Variants in RMST observed in about 807,000 individuals in gnomAD.
RMST encodes long intergenic non-protein coding RNA 54.
chr12:97,531,548 C>T (rs186098204), intron 11 of RMST, among the ~76,000 whole-genome samples: 1 of 151,908 alleles, frequency 6.6e-6, no homozygotes, highest in Non-Finnish European at 1.5e-5. Flanking sequence ...AATTAATGAG[C>T]GTGAATATTG....
chr12:97,521,593 T>G (rs1477978836), intron 10 of RMST, among the ~76,000 whole-genome samples: 1 of 152,192 alleles, frequency 6.6e-6, no homozygotes, highest in Non-Finnish European at 1.5e-5. Context: ...CAGATAACTT[T>G]CTTTCATTCA....
chr12:97,554,906 A>G (rs1310383912), intron 11 of RMST, among the ~76,000 whole-genome samples: 3 of 152,188 alleles, frequency 2.0e-5, no homozygotes, highest in Non-Finnish European at 4.4e-5. Flanking sequence ...GGACATCTTC[A>G]TGGGGCTGGC....
intron 11 of RMST, chr12:97,533,144 G>A (rs940113452): frequency 6.6e-6 from 1 of 151,750 alleles, no homozygotes; most frequent in African/African-American, 2.4e-5. Context: ...AGAGTCCCAA[G>A]CACTACTGCC....
At chr12:97,544,076 A>G (rs12371242) in intron 11 of RMST, among the ~76,000 whole-genome samples, 9,885 of 152,112 alleles carry the variant, frequency 0.065, 450 homozygotes, top group East Asian at 0.19. Flanking sequence ...CCTTCTATCA[A>G]AAAGAAAGAA....
chr12:97,514,841 T>C (rs1879773954), intron 10 of RMST, among the ~76,000 whole-genome samples: 1 of 152,174 alleles, frequency 6.6e-6, no homozygotes, highest in African/African-American at 2.4e-5. Context: ...CATCTGTTGC[T>C]GATGAAATAG....
At chr12:97,479,585 A>G (rs1874980303) in intron 5 of RMST, among the ~76,000 whole-genome samples, 1 of 151,970 alleles carries the variant, frequency 6.6e-6, no homozygotes, top group Non-Finnish European at 1.5e-5. Context: ...ATTTGACCCC[A>G]TTGATAGCTC....
chr12:97,463,999 C>T (rs1333374343), intron 4 of RMST, among the ~76,000 whole-genome samples: 2 of 151,480 alleles, frequency 1.3e-5, no homozygotes, highest in African/African-American at 4.9e-5. Context: ...CTTATACTTT[C>T]GAGGAAATAA....
chr12:97,533,733 A>G (rs1280893130), intron 11 of RMST: 2 of 151,864 alleles, frequency 1.3e-5, no homozygotes, highest in Non-Finnish European at 2.9e-5. Flanking sequence ...TCTGTGAACT[A>G]TTAAAATGAT....
chr12:97,505,920 T>C (rs1001753247), intron 10 of RMST, among the ~76,000 whole-genome samples: 2 of 152,232 alleles, frequency 1.3e-5, no homozygotes, highest in African/African-American at 4.8e-5. Context: ...TATTATCTTA[T>C]ACATTGCCAA....
At chr12:97,486,058 A>G (rs1474861162) in intron 5 of RMST, among the ~76,000 whole-genome samples, 1 of 152,234 alleles carries the variant, frequency 6.6e-6, no homozygotes, top group African/African-American at 2.4e-5. Flanking sequence ...TTTATTCTAC[A>G]ATACTAGCAA....
intron 10 of RMST, among the ~76,000 whole-genome samples, chr12:97,512,623 T>C (rs1361546067): frequency 2.6e-5 from 4 of 152,164 alleles, no homozygotes; most frequent in Non-Finnish European, 4.4e-5. Context: ...TTACAAACCT[T>C]GAGCTAGATA....
intron 10 of RMST, among the ~76,000 whole-genome samples, chr12:97,500,891 T>A (rs1878012517): frequency 6.6e-6 from 1 of 152,218 alleles, no homozygotes; most frequent in African/African-American, 2.4e-5. Context: ...TAAAACAGAA[T>A]ACAATTGAAT....
chr12:97,482,238 A>G (rs773807196), intron 5 of RMST, among the ~76,000 whole-genome samples: 12 of 152,186 alleles, frequency 7.9e-5, no homozygotes, highest in Admixed American at 3.3e-4. Context: ...TAGTTTAGTG[A>G]GCATTTTAGT....
intron 10 of RMST, among the ~76,000 whole-genome samples, chr12:97,525,930 C>T (rs1473824203): frequency 6.6e-6 from 1 of 151,970 alleles, no homozygotes; most frequent in African/African-American, 2.4e-5. Flanking sequence ...CATAGCAGTG[C>T]GAACCCTGTT....
At position 97,483,756 on chromosome 12, in the gene RMST, G is replaced by A. The variant is rs185500624; in HGVS notation, n.645-8705G>A. On this transcript the variant is annotated intron_variant and non_coding_transcript_variant, in intron 5 of 13. Transcript: ENST00000640149. ...CCCAATTCTACTTCTTTTCCCAGAA[G>A]TATTAATTGATTCTTGTCATTTCAC... Among the ~76,000 whole-genome samples the A allele has an allele frequency of 7.2e-4, 110 of 152,232 alleles. 3 individuals are homozygous for A. Among genetic ancestry groups the A allele is most frequent in the Admixed American group, 2.6e-4 (4 of 15,300 alleles).
intron 11 of RMST, among the ~76,000 whole-genome samples, chr12:97,549,390 G>A (rs1170533140): frequency 2.0e-5 from 3 of 152,200 alleles, no homozygotes; most frequent in Non-Finnish European, 4.4e-5. Context: ...AAGCCTGAAA[G>A]CCAAAAGTAG....
rs540776298 is a variant in RMST at position 97,499,657 on chromosome 12, CT to C, written n.1340+3617del. 1.9e-4 allele frequency among the ~76,000 whole-genome samples: 25 copies of C among 131,904 alleles called. No homozygotes were observed. In the East Asian group the frequency reaches 3.4e-3, roughly 18 times the overall value. 86.5% of individuals were successfully genotyped at this position (131,904 alleles called of 152,430 possible). A position where few individuals can be genotyped will look rare whatever the true frequency, so the allele number is the denominator to read the frequency against. On this transcript the variant is annotated intron_variant and non_coding_transcript_variant, in intron 10 of 13. Transcript: ENST00000640149. Reference sequence around the variant, plus strand: ...TTCTTTTTCTTTTTCTTTTTTCTTTCTTTTTTTTTTTTTTTTGAGACAGAGT... The same window carrying C: ...TTCTTTTTCTTTTTCTTTTTTCTTTCTTTTTTTTTTTTTTTGAGACAGAGT...
rs563724845 is a variant in RMST at position 97,540,564 on chromosome 12, G to A, written n.1545+9705G>A. Among the ~76,000 whole-genome samples, 13 of 151,626 alleles carry A rather than the reference G, an allele frequency of 8.6e-5. No individual in the cohort carries two copies. In the South Asian group the frequency reaches 1.2e-3, roughly 15 times the overall value. On this transcript the variant is annotated intron_variant and non_coding_transcript_variant, in intron 11 of 13. Coordinates refer to ENST00000640149, the Ensembl canonical transcript of RMST. ...GAATTGCTAAGCAAAGCTTGTAGACGGGCAGACCTAAATTCAAATTTTGCC... is the reference window on the plus strand; with the variant it reads ...GAATTGCTAAGCAAAGCTTGTAGACAGGCAGACCTAAATTCAAATTTTGCC...
intron 3 of RMST, chr12:97,463,017 G>C (rs866595796): frequency 5.4e-5 from 7 of 129,898 alleles, no homozygotes; most frequent in African/African-American, 8.3e-5. Context: ...CAAGTCAGCA[G>C]TCTCTCTCTC....
Sources: allele counts gnomAD v4.1 joint callset (sites outside exome capture counted in the v4.1 genomes callset), GRCh38; gene constraint gnomAD v4.1.1; transcripts MANE v1.5; gene names NCBI Gene and HGNC (gene_info 2026-07-23, HGNC 2026-07-21).